SAP30L: variants seen among roughly 807,000 people sequenced by gnomAD.
SAP30L encodes SAP30 like, also known as histone deacetylase complex subunit SAP30L.
SAP30L carries 10 observed loss-of-function variants against 22.3 expected under a neutral mutation model. The observed-to-expected ratio is 0.45, with a 90% CI of 0.28 to 0.76. The LOEUF is 0.76. Ranked by LOEUF, SAP30L falls within the 30% of genes least tolerant of loss-of-function variation. The pLI, the probability that SAP30L is intolerant of heterozygous loss-of-function variation, is 0.14. For missense variants in SAP30L, 206 were observed against 237.9 expected (o/e 0.87, Z 0.88); for synonymous variants, 91 against 94.1 (o/e 0.97, Z 0.19).
At chr5:154,451,925 C>A (rs142898124) in intron 2 of SAP30L, among the ~76,000 whole-genome samples, 1 of 152,280 alleles carries the variant, frequency 6.6e-6, no homozygotes, top group Admixed American at 6.5e-5. Context: ...AAGACAAAAT[C>A]GTCCTGTGTT....
chr5:154,453,389 C>G lies in SAP30L; in HGVS notation c.325-13C>G, dbSNP rs1343533085. On this transcript the variant is annotated splice_polypyrimidine_tract_variant and intron_variant, in intron 2 of 3. Coordinates refer to ENST00000297109, the MANE Select transcript of SAP30L (RefSeq NM_024632.6). Reference sequence around the variant, plus strand: ...TCAGGTGATGGATAACATTTTTCTCCTCTTCTCCCTAGGTTGATCTGTTCC... The same window carrying G: ...TCAGGTGATGGATAACATTTTTCTCGTCTTCTCCCTAGGTTGATCTGTTCC... The G allele has an allele frequency of 6.2e-7, 1 of 1,604,152 alleles. No homozygotes were observed. The highest frequency in any genetic ancestry group is 8.5e-7 in the Non-Finnish European group (1 of 1,171,518).
chr5:154,449,678 A>G (rs984067665), intron 1 of SAP30L, among the ~76,000 whole-genome samples: 1 of 152,204 alleles, frequency 6.6e-6, no homozygotes, highest in African/African-American at 2.4e-5. Flanking sequence ...GTCCAGTAGT[A>G]TATACATCAG....
In SAP30L at chr5:154,457,806, TGTGA is replaced by T. The variant is rs1284582973; in HGVS notation, c.*1782_*1785del. 5 of 152,210 alleles carry T rather than the reference TGTGA, an allele frequency of 3.3e-5. No homozygotes were observed. Among genetic ancestry groups the T allele is most frequent in the Non-Finnish European group, 7.4e-5 (5 of 68,012 alleles). 9.4% of individuals were successfully genotyped at this position (152,210 alleles called of 1,614,324 possible). Reference sequence around the variant, plus strand: ...GCTGTGGATGGCATGTCCAGTGCTCTGTGAGTGTTTTCAGTCATTCACATTCACT... The same window carrying T: ...GCTGTGGATGGCATGTCCAGTGCTCTGTGTTTTCAGTCATTCACATTCACT... On this transcript the variant is annotated 3_prime_UTR_variant, in exon 4 of 4. Coordinates refer to ENST00000297109, the MANE Select transcript of SAP30L (RefSeq NM_024632.6).
intron 2 of SAP30L, among the ~76,000 whole-genome samples, chr5:154,451,677 T>C (rs909385659): frequency 2.0e-5 from 3 of 152,204 alleles, no homozygotes; most frequent in South Asian, 2.1e-4. Flanking sequence ...TTTCTTGACA[T>C]CTAGTCCAGG....
rs1335001645 is a variant in SAP30L at position 154,459,963 on chromosome 5, T to G, written c.*3935T>G. 6.6e-6 allele frequency: 1 copy of G among 152,174 alleles called. No homozygotes were observed. The highest frequency in any genetic ancestry group is 1.9e-4 in the East Asian group (1 of 5,196). 9.4% of individuals were successfully genotyped at this position (152,174 alleles called of 1,614,324 possible). A position where few individuals can be genotyped will look rare whatever the true frequency, so the allele number is the denominator to read the frequency against. ...TTGCTGTTGTCCAATCATCCGTTTTTAGAGATGGGGAAACTAAAACTCAAA... is the reference window on the plus strand; with the variant it reads ...TTGCTGTTGTCCAATCATCCGTTTTGAGAGATGGGGAAACTAAAACTCAAA... On this transcript the variant is annotated 3_prime_UTR_variant, in exon 4 of 4. Transcript: ENST00000297109.
At chr5:154,449,326 G>T (rs189542417) in intron 1 of SAP30L, among the ~76,000 whole-genome samples, 1 of 152,218 alleles carries the variant, frequency 6.6e-6, no homozygotes, top group African/African-American at 2.4e-5. Context: ...ACATGTACTG[G>T]GGGGGCAGAA....
In SAP30L at chr5:154,456,878, G is replaced by C. The variant is rs776460524; in HGVS notation, c.*850G>C. 1 of 152,212 alleles carries C rather than the reference G, an allele frequency of 6.6e-6. No individual in the cohort carries two copies. Among genetic ancestry groups the C allele is most frequent in the African/African-American group, 2.4e-5 (1 of 41,450 alleles). The allele number at this position is 152,212 out of a possible 1,614,324, so 9.4% of individuals were successfully genotyped here. ...AGTTAGATATTATGACTTCAGCCAA[G>C]CTTCTTGGTAATAAATGCATTGACA... is the stretch of plus-strand genomic sequence containing the variant. On this transcript the variant is annotated 3_prime_UTR_variant, in exon 4 of 4. Transcript: ENST00000297109.
chr5:154,451,083 T>TC lies in SAP30L; in HGVS notation c.202-6dup, dbSNP rs758432658. 1.2e-6 allele frequency: 2 copies of TC among 1,613,872 alleles called. No individual in the cohort carries two copies. Among genetic ancestry groups the TC allele is most frequent in the Non-Finnish European group, 1.7e-6 (2 of 1,179,928 alleles). ...GCCAACTCTGACTTTGATTTTTGTC[T>TC]CCATCAGGTAAGGCACCTATATATC... On this transcript the variant is annotated splice_region_variant and splice_polypyrimidine_tract_variant and intron_variant, in intron 1 of 3. Transcript: ENST00000297109.
intron 1 of SAP30L, among the ~76,000 whole-genome samples, chr5:154,450,453 A>G (rs564069475): frequency 6.6e-6 from 1 of 152,334 alleles, no homozygotes; most frequent in African/African-American, 2.4e-5. Flanking sequence ...TACCGTTGCA[A>G]CAGTCCCTTG....
Position 154,459,750 on chromosome 5 carries a change from T to G in SAP30L, c.*3722T>G, listed in dbSNP as rs138609694. 1.4e-4 allele frequency: 21 copies of G among 152,332 alleles called. No individual in the cohort carries two copies. The highest frequency in any genetic ancestry group is 4.6e-4 in the African/African-American group (19 of 41,568). 9.4% of individuals were successfully genotyped at this position (152,332 alleles called of 1,614,324 possible). Reference sequence around the variant, plus strand: ...ACGGATGCTCACATCATCAGGAAATTGTTCAGCTGGAGGATTTATAACTTC... The same window carrying G: ...ACGGATGCTCACATCATCAGGAAATGGTTCAGCTGGAGGATTTATAACTTC... On this transcript the variant is annotated 3_prime_UTR_variant, in exon 4 of 4. Transcript: ENST00000297109.
In SAP30L at chr5:154,454,219, A is replaced by T. The variant is rs192780731; in HGVS notation, c.423+719A>T. On this transcript the variant is annotated intron_variant, in intron 3 of 3. Coordinates refer to ENST00000297109, the MANE Select transcript of SAP30L (RefSeq NM_024632.6). ...TATTTTTTTTTCCTTGATTTCTCCTACTCTGGTGTTGGTAATGACAGTATT... is the reference window on the plus strand; with the variant it reads ...TATTTTTTTTTCCTTGATTTCTCCTTCTCTGGTGTTGGTAATGACAGTATT... Among the ~76,000 whole-genome samples the T allele has an allele frequency of 1.9e-4, 29 of 152,016 alleles. 1 individual carries two copies. In the East Asian group the frequency reaches 5.6e-3, roughly 29 times the overall value.
rs144978383 is a variant in SAP30L, at chr5:154,458,597, C to T, written c.*2569C>T. 1 of 152,274 alleles carries T rather than the reference C, an allele frequency of 6.6e-6. No homozygotes were observed. Among genetic ancestry groups the T allele is most frequent in the Non-Finnish European group, 1.5e-5 (1 of 68,088 alleles). The allele number at this position is 152,274 out of a possible 1,614,324, so 9.4% of individuals were successfully genotyped here. A position where few individuals can be genotyped will look rare whatever the true frequency, so the allele number is the denominator to read the frequency against. ...ACGTAGCAGCATTGCCTTCTTTCCT[C>T]TTGGTGCTTCTGGGCAAAACTGGAA... On this transcript the variant is annotated 3_prime_UTR_variant, in exon 4 of 4. Transcript: ENST00000297109.
chr5:154,455,878 T>G, intron 3 of SAP30L, 22 bp from the exon 4 acceptor site: 2 of 1,598,798 alleles, frequency 1.3e-6, no homozygotes, highest in Non-Finnish European at 1.7e-6. Context: ...TTAAGGAACT[T>G]TGGTATTTTC....
In SAP30L at chr5:154,460,068, C is replaced by T. The variant is rs752001291; in HGVS notation, c.*4040C>T. On this transcript the variant is annotated 3_prime_UTR_variant, in exon 4 of 4. Coordinates refer to ENST00000297109, the MANE Select transcript of SAP30L (RefSeq NM_024632.6). ...CCTGTCTAGCATTCTTTCTTTCTGA[C>T]CTATAGGATGACTCTAATTCAGTCT... 2 of 152,182 alleles carry T rather than the reference C, an allele frequency of 1.3e-5. No individual in the cohort carries two copies. Among genetic ancestry groups the T allele is most frequent in the Non-Finnish European group, 2.9e-5 (2 of 68,052 alleles). 9.4% of individuals were successfully genotyped at this position (152,182 alleles called of 1,614,324 possible). A position where few individuals can be genotyped will look rare whatever the true frequency, so the allele number is the denominator to read the frequency against.
chr5:154,447,599 T>C (rs1180959624), intron 1 of SAP30L, among the ~76,000 whole-genome samples: 4 of 152,226 alleles, frequency 2.6e-5, no homozygotes, highest in African/African-American at 9.6e-5. Flanking sequence ...CTACAAGCCT[T>C]AAGTGATTGC....
At chr5:154,454,651 GAC>G (rs1040090965) in intron 3 of SAP30L, among the ~76,000 whole-genome samples, 6 of 152,164 alleles carry the variant, frequency 3.9e-5, no homozygotes, top group Admixed American at 3.9e-4. Context: ...GTGTCCAGAT[GAC>G]ACACAGGAGG....
rs568438372 is a variant in SAP30L at position 154,460,612 on chromosome 5, T to C, written c.*4584T>C. 1.3e-5 allele frequency: 2 copies of C among 152,352 alleles called. No individual in the cohort carries two copies. The highest frequency in any genetic ancestry group is 4.8e-5 in the African/African-American group (2 of 41,588). The allele number at this position is 152,352 out of a possible 1,614,324, so 9.4% of individuals were successfully genotyped here. A position where few individuals can be genotyped will look rare whatever the true frequency, so the allele number is the denominator to read the frequency against. On this transcript the variant is annotated 3_prime_UTR_variant, in exon 4 of 4. Transcript: ENST00000297109. Reference sequence around the variant, plus strand: ...GCCTAGGGCAAGATATGAACTGTTCTTGAGGTAGAAATGTCTACAGTCAGT... The same window carrying C: ...GCCTAGGGCAAGATATGAACTGTTCCTGAGGTAGAAATGTCTACAGTCAGT...
In SAP30L at chr5:154,451,947, C is replaced by T. The variant is rs182526226; in HGVS notation, c.324+734C>T. Among the ~76,000 whole-genome samples, 55 of 152,288 alleles carry T rather than the reference C, an allele frequency of 3.6e-4. No individual in the cohort carries two copies. The East Asian group carries it at 5.4e-3, about 15-fold the overall frequency. ...AATCGTCCTGTGTTGAGAACCACTG[C>T]GCTAGACCATGAGACCTAGGCTTCT... On this transcript the variant is annotated intron_variant, in intron 2 of 3. Transcript: ENST00000297109.
At chr5:154,446,837 G>C in intron 1 of SAP30L, 32 bp downstream of exon 1, 9 of 1,564,708 alleles carry the variant, frequency 5.8e-6, no homozygotes, top group Non-Finnish European at 7.8e-6. Context: ...TCTGGGCCCC[G>C]GCGCCCCCAG....
Sources: allele counts gnomAD v4.1 joint callset (sites outside exome capture counted in the v4.1 genomes callset), GRCh38; gene constraint gnomAD v4.1.1; transcripts MANE v1.5; gene names NCBI Gene and HGNC (gene_info 2026-07-23, HGNC 2026-07-21).